The following CCDC117 variants were observed in gnomAD, a reference collection of about 807,000 sequenced individuals.
CCDC117 encodes coiled-coil domain containing 117, also known as coiled-coil domain-containing protein 117.
Under a neutral mutation model 23.5 loss-of-function variants are expected in CCDC117, and 1 was observed. The observed-to-expected ratio is 0.04, with a 90% confidence interval of 0.02 to 0.20. The LOEUF is 0.20. Ranked by LOEUF, CCDC117 falls within the 10% of genes least tolerant of loss-of-function variation. CCDC117 has a pLI of 1.00. For synonymous variants in CCDC117, 132 were observed against 124.8 expected (o/e 1.06, Z -0.39); for missense variants, 383 against 348.2 (o/e 1.10, Z -0.80).
chr22:28,776,607 G>A (rs1280459927), intron 2 of CCDC117, among the ~76,000 whole-genome samples: 1 of 148,382 alleles, frequency 6.7e-6, no homozygotes, highest in Non-Finnish European at 1.5e-5. Flanking sequence ...TTTTTGAGAC[G>A]GAGTTTCGCT....
Position 28,777,362 on chromosome 22 carries a change from ATTG to A in CCDC117, c.240-3583_240-3581del, listed in dbSNP as rs1569197571. Among the ~76,000 whole-genome samples the A allele has an allele frequency of 3.2e-5, 4 of 124,278 alleles. No individual in the cohort carries two copies. In the East Asian group the frequency reaches 9.0e-4, roughly 28 times the overall value. 81.5% of individuals were successfully genotyped at this position (124,278 alleles called of 152,430 possible). A position where few individuals can be genotyped will look rare whatever the true frequency, so the allele number is the denominator to read the frequency against. ...CTATATCTTAAATTATATTGTCATCATTGTTTGTTTTGTAATTATTTGTTAAGC... is the reference window on the plus strand; with the variant it reads ...CTATATCTTAAATTATATTGTCATCATTTGTTTTGTAATTATTTGTTAAGC... On this transcript the variant is annotated intron_variant, in intron 2 of 4. Transcript: ENST00000249064.
intron 2 of CCDC117, among the ~76,000 whole-genome samples, chr22:28,780,429 T>C (rs1246770970): frequency 6.6e-6 from 1 of 152,246 alleles, no homozygotes; most frequent in Non-Finnish European, 1.5e-5. Context: ...GATGGAGCAG[T>C]AGCAGTATGA....
At chr22:28,782,540 G>A (rs1043531006) in intron 3 of CCDC117, among the ~76,000 whole-genome samples, 1 of 152,144 alleles carries the variant, frequency 6.6e-6, no homozygotes, top group Non-Finnish European at 1.5e-5. Flanking sequence ...CCGGGTTCAG[G>A]CGATTCTCCT....
At chr22:28,781,467 C>A (rs1489127989) in intron 3 of CCDC117, among the ~76,000 whole-genome samples, 1 of 83,462 alleles carries the variant, frequency 1.2e-5, no homozygotes, top group Non-Finnish European at 2.1e-5. Context: ...TCTCCTGCCT[C>A]AGCCTCCCAA....
intron 2 of CCDC117, among the ~76,000 whole-genome samples, chr22:28,774,735 C>T (rs1002442018): frequency 6.6e-5 from 10 of 152,082 alleles, no homozygotes; most frequent in East Asian, 3.8e-4. Flanking sequence ...TTCATTGTCT[C>T]CTTTAGAAGA....
At chr22:28,774,914 CT>C (rs533469055) in intron 2 of CCDC117, among the ~76,000 whole-genome samples, 24 of 152,272 alleles carry the variant, frequency 1.6e-4, no homozygotes, top group African/African-American at 5.8e-4. Context: ...TTTTACTCTT[CT>C]GTAGCTTGTT....
At chr22:28,778,468 C>T (rs1287133995) in intron 2 of CCDC117, among the ~76,000 whole-genome samples, 4 of 152,020 alleles carry the variant, frequency 2.6e-5, no homozygotes, top group East Asian at 1.9e-4. Flanking sequence ...GTCAGCCGGG[C>T]GTGGTGGTGC....
intron 4 of CCDC117, among the ~76,000 whole-genome samples, chr22:28,785,059 C>G (rs974508957): frequency 2.3e-4 from 35 of 151,140 alleles, no homozygotes; most frequent in Non-Finnish European, 1.5e-5. Flanking sequence ...CGTGAGCCAC[C>G]GCGCCCAGCC....
intron 2 of CCDC117, among the ~76,000 whole-genome samples, chr22:28,779,121 C>T (rs1440323871): frequency 6.6e-6 from 1 of 152,128 alleles, no homozygotes; most frequent in East Asian, 1.9e-4. Flanking sequence ...CACCACGACA[C>T]TCGCCTTATT....
intron 1 of CCDC117, 41 bp downstream of exon 1, chr22:28,773,075 G>GGGCGGGCA (rs1486991615): frequency 1.4e-6 from 1 of 721,444 alleles, no homozygotes; most frequent in African/African-American, 2.2e-5. Context: ...GCGGGCGGGC[G>GGGCGGGCA]GGCGGGCAGG....
chr22:28,775,154 A>G (rs1400474234), intron 2 of CCDC117, among the ~76,000 whole-genome samples: 1 of 152,128 alleles, frequency 6.6e-6, no homozygotes, highest in East Asian at 1.9e-4. Flanking sequence ...CCAGCTACTC[A>G]GGAGGCTGAG....
chr22:28,772,761 G>C lies in CCDC117; in HGVS notation c.-89G>C. On this transcript the variant is annotated 5_prime_UTR_variant, in exon 1 of 5. Transcript: ENST00000249064. Reference sequence around the variant, plus strand: ...GTCGAGAGCGGGATCCGAGGCTGGCGGGTTTTGGCAGTAGCTGTGGCTGCG... The same window carrying C: ...GTCGAGAGCGGGATCCGAGGCTGGCCGGTTTTGGCAGTAGCTGTGGCTGCG... 4.7e-6 allele frequency: 5 copies of C among 1,053,518 alleles called. No individual in the cohort carries two copies. The highest frequency in any genetic ancestry group is 6.0e-6 in the Non-Finnish European group (5 of 832,752). 65.3% of individuals were successfully genotyped at this position (1,053,518 alleles called of 1,614,324 possible).
At position 28,781,121 on chromosome 22, in the gene CCDC117, G is replaced by T. The variant is rs1479071477; in HGVS notation, c.413G>T (p.Gly138Val). The T allele has an allele frequency of 6.2e-7, 1 of 1,613,838 alleles. No individual in the cohort carries two copies. The highest frequency in any genetic ancestry group is 1.3e-5 in the African/African-American group (1 of 74,880). The change falls in exon 3 of 5, where the codon GGA (glycine) becomes GTA (valine). Residue 138 changes from glycine (G) to valine (V), a missense_variant. Physicochemically the swap from Gly to Val is moderately radical, Grantham distance 109 (BLOSUM62 -3). Coordinates refer to ENST00000249064, the MANE Select transcript of CCDC117 (RefSeq NM_173510.4). ...VICEEMDQTT[G>V]EPQCEVARRK... ...TGTGAAGAAATGGATCAGACAACTG[G>T]AGAACCACAGTGTGAAGTTGCCCGA...
At chr22:28,785,743 T>C (rs182086246) in intron 4 of CCDC117, among the ~76,000 whole-genome samples, 3 of 152,196 alleles carry the variant, frequency 2.0e-5, no homozygotes, top group East Asian at 1.9e-4. Flanking sequence ...TGCAATGTTA[T>C]GTATTTGAGG....
chr22:28,782,250 CTTT>C lies in CCDC117; in HGVS notation c.464+1102_464+1104del, dbSNP rs34670753. ...ACTGTGCCGGGCCAGTCTACTGAGC[CTTT>C]TTTTTTTTTTTTTTTTTTTTTTTGA... On this transcript the variant is annotated intron_variant, in intron 3 of 4. Transcript: ENST00000249064. 6.5e-3 allele frequency among the ~76,000 whole-genome samples: 521 copies of C among 80,254 alleles called. 1 individual carries two copies. The highest frequency in any genetic ancestry group is 9.2e-3 in the African/African-American group (151 of 16,464). 52.6% of individuals were successfully genotyped at this position (80,254 alleles called of 152,430 possible). A position where few individuals can be genotyped will look rare whatever the true frequency, so the allele number is the denominator to read the frequency against.
intron 2 of CCDC117, 54 bp from the exon 3 acceptor site, chr22:28,780,894 A>G (rs938422851): frequency 7.0e-5 from 92 of 1,319,366 alleles, no homozygotes; most frequent in Non-Finnish European, 9.3e-5. Flanking sequence ...GGAATGATAA[A>G]CATTTCATTT....
At position 28,781,094 on chromosome 22, in the gene CCDC117, T is replaced by C. The variant is rs1050419946; in HGVS notation, c.386T>C (p.Ile129Thr). The part of the protein sequence containing the change: ...GLSIPGILDV[I>T]CEEMDQTTGE... Reference sequence around the variant, plus strand: ...TCCATACCTGGGATATTAGATGTTATTTGTGAAGAAATGGATCAGACAACT... The same window carrying C: ...TCCATACCTGGGATATTAGATGTTACTTGTGAAGAAATGGATCAGACAACT... Residue 129 changes from isoleucine (I) to threonine (T), a missense_variant, in exon 3 of 5, where the codon ATT becomes ACT. Ile to Thr is a moderately conservative substitution (Grantham distance 89). Coordinates refer to ENST00000249064, the MANE Select transcript of CCDC117 (RefSeq NM_173510.4). 6.8e-6 allele frequency: 11 copies of C among 1,613,880 alleles called. No individual in the cohort carries two copies. In the African/African-American group the frequency reaches 8.0e-5, roughly 12 times the overall value.
Position 28,786,186 on chromosome 22 carries a change from G to C in CCDC117, c.700G>C (p.Glu234Gln). Residue 234 changes from glutamate to glutamine, a missense_variant, in exon 5 of 5, where the codon GAG becomes CAG. Transcript: ENST00000249064. ...CTCTAATACTAAGAACTATACAGGAGAGAGCCAAGCTAAGCATGTAGCTGC... is the reference window on the plus strand; with the variant it reads ...CTCTAATACTAAGAACTATACAGGACAGAGCCAAGCTAAGCATGTAGCTGC... ...PSSNTKNYTG[E>Q]SQAKHVAAGT... The C allele has an allele frequency of 6.2e-7, 1 of 1,614,150 alleles. No homozygotes were observed. Among genetic ancestry groups the C allele is most frequent in the Non-Finnish European group, 8.5e-7 (1 of 1,180,006 alleles).
chr22:28,785,330 A>G (rs1240521365), intron 4 of CCDC117, among the ~76,000 whole-genome samples: 1 of 152,122 alleles, frequency 6.6e-6, no homozygotes, highest in Non-Finnish European at 1.5e-5. Context: ...CTGGGACTAC[A>G]GTCACCTGCT....
Sources: gnomAD v4.1 joint callset for allele counts (sites outside exome capture counted in the v4.1 genomes callset) on GRCh38, gnomAD v4.1.1 for gene constraint, MANE v1.5 for transcripts, NCBI Gene and HGNC (gene_info 2026-07-23, HGNC 2026-07-21) for gene names.